The following RAD18 variants were observed in gnomAD, a reference collection of about 807,000 sequenced individuals.
RAD18 encodes E3 ubiquitin-protein ligase RAD18.
In RAD18, 47 loss-of-function variants were observed where a neutral mutation model predicts 60.4. The observed-to-expected ratio is 0.78, with a 90% CI of 0.62 to 0.99. The LOEUF (loss-of-function observed/expected upper bound fraction) is 0.99. Ranked by LOEUF, RAD18 falls within the 50% of genes least tolerant of loss-of-function variation. The pLI, the probability that RAD18 is intolerant of heterozygous loss-of-function variation, is 0.00. For synonymous variants in RAD18, 225 were observed against 195.5 expected (o/e 1.15, Z -1.26); for missense variants, 640 against 593.3 (o/e 1.08, Z -0.82).
At position 8,932,783 on chromosome 3, in the gene RAD18, G is replaced by T. The variant is rs45565431; in HGVS notation, c.889+3088C>A. ...CAAATTGTGGCATGGCTATAAAGCA[G>T]AACACTGCTTGGCAATAAAAAATAA... On this transcript the variant is annotated intron_variant, in intron 7 of 12. Coordinates refer to ENST00000264926, the MANE Select transcript of RAD18 (RefSeq NM_020165.4). Among the ~76,000 whole-genome samples, 982 of 152,246 alleles carry T rather than the reference G, an allele frequency of 6.5e-3. 9 individuals are homozygous for T. Among genetic ancestry groups the T allele is most frequent in the Middle Eastern group, 0.037 (11 of 294 alleles).
intron 12 of RAD18, among the ~76,000 whole-genome samples, chr3:8,882,049 G>A (rs1018484733): frequency 1.3e-5 from 2 of 152,124 alleles, no homozygotes; most frequent in Non-Finnish European, 2.9e-5. Flanking sequence ...TCTTTTCCAC[G>A]AGCCTCCGTC....
intron 2 of RAD18, among the ~76,000 whole-genome samples, chr3:8,949,677 G>GGT (rs950981270): frequency 6.6e-6 from 1 of 152,088 alleles, no homozygotes; most frequent in African/African-American, 2.4e-5. Context: ...GAGAGAGAGG[G>GGT]GGGTAATACA....
chr3:8,955,033 A>C (rs1186167524), intron 2 of RAD18, among the ~76,000 whole-genome samples: 9 of 152,228 alleles, frequency 5.9e-5, no homozygotes, highest in African/African-American at 2.2e-4. Flanking sequence ...AGTGACAGCT[A>C]TAAGTCATGA....
intron 4 of RAD18, among the ~76,000 whole-genome samples, chr3:8,942,596 T>C (rs1940772209): frequency 6.6e-6 from 1 of 152,172 alleles, no homozygotes; most frequent in South Asian, 2.1e-4. Flanking sequence ...AGTCCAACAT[T>C]TCCCCCAAGA....
chr3:8,908,449 C>T (rs57097885), intron 9 of RAD18, among the ~76,000 whole-genome samples: 6,019 of 151,968 alleles, frequency 0.04, 401 homozygotes, highest in African/African-American at 0.14. Context: ...AGAGGGAAGA[C>T]GATGTCAAGA....
At chr3:8,893,430 C>A (rs557107922) in intron 11 of RAD18, among the ~76,000 whole-genome samples, 9 of 152,074 alleles carry the variant, frequency 5.9e-5, no homozygotes, top group Non-Finnish European at 8.8e-5. Flanking sequence ...CAATGCAGGA[C>A]AACATGCCTA....
intron 4 of RAD18, among the ~76,000 whole-genome samples, chr3:8,942,684 T>C (rs1446110707): frequency 6.6e-6 from 1 of 152,164 alleles, no homozygotes; most frequent in African/African-American, 2.4e-5. Context: ...TCTTACTTGT[T>C]AGAGAAAATA....
intron 7 of RAD18, among the ~76,000 whole-genome samples, chr3:8,927,585 A>G (rs1940463612): frequency 1.3e-5 from 2 of 152,238 alleles, no homozygotes; most frequent in South Asian, 2.1e-4. Flanking sequence ...ATTATAAACC[A>G]TGCTGCTATT....
intron 9 of RAD18, 143 bp from the exon 10 acceptor site, chr3:8,902,663 G>A: frequency 1.3e-6 from 1 of 758,890 alleles, no homozygotes; most frequent in Non-Finnish European, 1.9e-6. Flanking sequence ...AGCCTGAAGT[G>A]AATGGATCAC....
intron 7 of RAD18, among the ~76,000 whole-genome samples, chr3:8,922,466 C>G (rs112441698): frequency 6.6e-6 from 1 of 152,212 alleles, no homozygotes; most frequent in Non-Finnish European, 1.5e-5. Context: ...GGCCTGCCTG[C>G]CTCTGTAGAC....
At chr3:8,883,787 T>G (rs1939512172) in intron 12 of RAD18, among the ~76,000 whole-genome samples, 1 of 152,188 alleles carries the variant, frequency 6.6e-6, no homozygotes, top group Non-Finnish European at 1.5e-5. Context: ...TTCTTCAGCT[T>G]TTACCATTAG....
intron 1 of RAD18, among the ~76,000 whole-genome samples, chr3:8,961,711 T>C (rs1427683412): frequency 2.6e-5 from 4 of 152,170 alleles, no homozygotes; most frequent in Non-Finnish European, 4.4e-5. Context: ...ATGATTCCAA[T>C]GTGAGCAAAA....
intron 12 of RAD18, among the ~76,000 whole-genome samples, chr3:8,888,598 A>G (rs577467264): frequency 5.3e-5 from 8 of 152,346 alleles, no homozygotes; most frequent in African/African-American, 1.9e-4. Context: ...TTAAAACTAC[A>G]TCACAGCAGA....
chr3:8,877,225 G>T lies in RAD18; in HGVS notation c.*4132C>A. ...AGACAATAGAAATTTATTTCTCACA[G>T]GTATGGAGGCTGGTAAGTCCAAGAT... On this transcript the variant is annotated 3_prime_UTR_variant, in exon 13 of 13. Coordinates refer to ENST00000264926, the MANE Select transcript of RAD18 (RefSeq NM_020165.4). The T allele has an allele frequency of 6.5e-6, 1 of 153,812 alleles. No individual in the cohort carries two copies. The highest frequency in any genetic ancestry group is 1.9e-4 in the South Asian group (1 of 5,398). The allele number at this position is 153,812 out of a possible 1,614,324, so 9.5% of individuals were successfully genotyped here. A position where few individuals can be genotyped will look rare whatever the true frequency, so the allele number is the denominator to read the frequency against.
At chr3:8,940,221 T>C (rs7652773) in intron 5 of RAD18, among the ~76,000 whole-genome samples, 7,684 of 152,206 alleles carry the variant, frequency 0.05, 640 homozygotes, top group African/African-American at 0.17. Flanking sequence ...CAGGGATCTG[T>C]GGGGGTATCT....
rs1354796897 is a variant in RAD18, at chr3:8,880,310, T to C, written c.*1047A>G. On this transcript the variant is annotated 3_prime_UTR_variant, in exon 13 of 13. Coordinates refer to ENST00000264926, the MANE Select transcript of RAD18 (RefSeq NM_020165.4). ...AATGTTGAATCTGGCAAATCATAAA[T>C]TTCTTGTCTTAACATTGCCGCATTT... The C allele has an allele frequency of 6.6e-6, 1 of 152,208 alleles. No individual in the cohort carries two copies. Among genetic ancestry groups the C allele is most frequent in the African/African-American group, 2.4e-5 (1 of 41,460 alleles). The allele number at this position is 152,208 out of a possible 1,614,324, so 9.4% of individuals were successfully genotyped here. A position where few individuals can be genotyped will look rare whatever the true frequency, so the allele number is the denominator to read the frequency against.
At chr3:8,910,464 G>A (rs1347616095) in intron 9 of RAD18, among the ~76,000 whole-genome samples, 1 of 152,092 alleles carries the variant, frequency 6.6e-6, no homozygotes, top group Non-Finnish European at 1.5e-5. Context: ...GCCAGGCGTG[G>A]TGGCAGGCGC....
intron 12 of RAD18, 89 bp from the exon 13 acceptor site, chr3:8,881,548 T>G (rs1317089119): frequency 9.5e-7 from 1 of 1,049,074 alleles, no homozygotes; most frequent in African/African-American, 1.6e-5. Context: ...CACATATTAT[T>G]TCATTAAAAC....
intron 1 of RAD18, among the ~76,000 whole-genome samples, chr3:8,959,372 T>C (rs1317956052): frequency 6.6e-6 from 1 of 152,192 alleles, no homozygotes; most frequent in Non-Finnish European, 1.5e-5. Context: ...TAGCCTATAG[T>C]CACTATTGGG....
Sources: gnomAD v4.1 joint callset for allele counts (sites outside exome capture counted in the v4.1 genomes callset) on GRCh38, gnomAD v4.1.1 for gene constraint, MANE v1.5 for transcripts, NCBI Gene and HGNC (gene_info 2026-07-23, HGNC 2026-07-21) for gene names.